The following EYS variants were observed in gnomAD, a reference collection of about 807,000 sequenced individuals.
EYS encodes the protein EGF-like photoreceptor maintenance factor.
Under a neutral mutation model 282.1 loss-of-function variants are expected in EYS, and 250 were observed. The ratio of observed to expected loss-of-function variants is 0.89; its 90% CI spans 0.80 to 0.98. EYS has a LOEUF of 0.98. Among genes scored for constraint, EYS ranks in the 50% least tolerant of loss-of-function variants. EYS has a pLI of 0.00. For synonymous variants in EYS, 1,355 were observed against 1,282.9 expected (o/e 1.06, Z -1.20); for missense variants, 4,016 against 3,709.0 (o/e 1.08, Z -2.15).
intron 2 of EYS, among the ~76,000 whole-genome samples, chr6:65,627,974 C>A (rs1293349642): frequency 6.6e-6 from 1 of 152,226 alleles, no homozygotes; most frequent in African/African-American, 2.4e-5. Context: ...AGCCCCGGTG[C>A]GGGATCCACT....
At chr6:63,809,071 A>G (rs1179892660) in intron 36 of EYS, among the ~76,000 whole-genome samples, 3 of 152,136 alleles carry the variant, frequency 2.0e-5, no homozygotes, top group Admixed American at 1.3e-4. Flanking sequence ...GACTTACTTC[A>G]AGGGGCTTTT....
At chr6:64,971,526 GA>G (rs928617576) in intron 14 of EYS, among the ~76,000 whole-genome samples, 26 of 152,216 alleles carry the variant, frequency 1.7e-4, no homozygotes, top group Non-Finnish European at 3.1e-4. Context: ...TGGACAATGA[GA>G]AACCTTTTTC....
At chr6:64,296,573 TATATATATATACA>T (rs1769012758) in intron 30 of EYS, among the ~76,000 whole-genome samples, 1 of 7,926 alleles carries the variant, frequency 1.3e-4, no homozygotes, top group African/African-American at 4.6e-4. Context: ...TATATATATA[TATATATATATACA>T]TATATATATA....
chr6:65,564,668 A>G (rs570394867), intron 2 of EYS, among the ~76,000 whole-genome samples: 1 of 152,266 alleles, frequency 6.6e-6, no homozygotes, highest in Non-Finnish European at 1.5e-5. Context: ...AACCATAAAA[A>G]CCCTAGAAGA....
intron 33 of EYS, among the ~76,000 whole-genome samples, chr6:64,011,090 T>C (rs1350117215): frequency 1.3e-5 from 2 of 152,168 alleles, no homozygotes; most frequent in Admixed American, 1.3e-4. Context: ...GGAGATAAGC[T>C]TTTCTATTTC....
intron 2 of EYS, among the ~76,000 whole-genome samples, chr6:65,523,854 C>A (rs182202907): frequency 6.6e-6 from 1 of 152,084 alleles, no homozygotes; most frequent in South Asian, 2.1e-4. Flanking sequence ...CTTTTCCTTA[C>A]AGCCAACGTG....
At chr6:65,548,137 AC>A (rs1473529711) in intron 2 of EYS, among the ~76,000 whole-genome samples, 3 of 152,216 alleles carry the variant, frequency 2.0e-5, no homozygotes, top group East Asian at 3.8e-4. Context: ...TCTGCTACTA[AC>A]AAACTACAAA....
chr6:65,326,986 C>G (rs956898727), intron 11 of EYS, among the ~76,000 whole-genome samples: 1 of 151,298 alleles, frequency 6.6e-6, no homozygotes, highest in Non-Finnish European at 1.5e-5. Context: ...ATCTATAAAC[C>G]ACAATAATTG....
At chr6:64,131,767 C>T (rs996895347) in intron 31 of EYS, among the ~76,000 whole-genome samples, 1 of 152,160 alleles carries the variant, frequency 6.6e-6, no homozygotes, top group Non-Finnish European at 1.5e-5. Flanking sequence ...ATTCGATTTT[C>T]AGCCGGGAGA....
At position 63,720,801 on chromosome 6, in the gene EYS, A is replaced by G. The variant is rs1421690807; in HGVS notation, c.9230T>C (p.Val3077Ala). The G allele has an allele frequency of 1.3e-6, 2 of 1,551,154 alleles. No individual in the cohort carries two copies. Among genetic ancestry groups the G allele is most frequent in the Admixed American group, 3.9e-5 (2 of 50,968 alleles). Residue 3077 changes from valine to alanine, a missense_variant, in exon 43 of 43, where the codon GTG becomes GCG. By Grantham distance (64) the Val-to-Ala change is moderately conservative (BLOSUM62 0). Transcript: ENST00000503581. ...SEDIDPHKNF[V>A]ALNYDGICYL... is the part of the protein sequence containing the mutation. ...ACAAATGCCATCATAGTTTAGAGCC[A>G]CAAAGTTTTTATGTGGATCAATATC...
At chr6:64,235,724 A>T (rs879927486) in intron 30 of EYS, among the ~76,000 whole-genome samples, 28 of 152,220 alleles carry the variant, frequency 1.8e-4, no homozygotes, top group East Asian at 3.9e-4. Context: ...AAAGTGTTCC[A>T]ATTTCTCCAT....
At chr6:65,662,065 T>C (rs1305466809) in intron 1 of EYS, among the ~76,000 whole-genome samples, 2 of 152,108 alleles carry the variant, frequency 1.3e-5, no homozygotes, top group Admixed American at 1.3e-4. Context: ...TTACTTTTTT[T>C]CTGGTCACAC....
intron 23 of EYS, among the ~76,000 whole-genome samples, chr6:64,625,070 A>G (rs987485213): frequency 2.6e-5 from 4 of 152,128 alleles, no homozygotes; most frequent in African/African-American, 7.2e-5. Flanking sequence ...AATATCCCCT[A>G]CATATATTCC....
At chr6:63,880,071 C>T (rs1234015624) in intron 35 of EYS, among the ~76,000 whole-genome samples, 1 of 152,096 alleles carries the variant, frequency 6.6e-6, no homozygotes, top group African/African-American at 2.4e-5. Context: ...ATATTTAGGG[C>T]ATGAGCATGG....
At chr6:64,929,254 G>A (rs1219787275) in intron 15 of EYS, among the ~76,000 whole-genome samples, 2 of 152,056 alleles carry the variant, frequency 1.3e-5, no homozygotes, top group East Asian at 1.9e-4. Context: ...GAAGCCAAGG[G>A]ATGCCAAAGA....
intron 12 of EYS, among the ~76,000 whole-genome samples, chr6:65,157,407 A>C (rs1764753669): frequency 6.6e-6 from 1 of 150,748 alleles, no homozygotes; most frequent in Non-Finnish European, 1.5e-5. Context: ...CTATTTCTAT[A>C]CTTACCTACC....
intron 8 of EYS, among the ~76,000 whole-genome samples, chr6:65,354,999 G>A (rs547750161): frequency 1.3e-5 from 2 of 152,060 alleles, no homozygotes; most frequent in East Asian, 3.9e-4. Flanking sequence ...TCTACAAATG[G>A]CATTAACCAA....
intron 22 of EYS, among the ~76,000 whole-genome samples, chr6:64,727,037 G>T: frequency 6.6e-6 from 1 of 152,104 alleles, no homozygotes; most frequent in East Asian, 1.9e-4. Flanking sequence ...GTGATGGGTG[G>T]CATACTGATG....
At chr6:63,998,107 G>T (rs536306620) in intron 34 of EYS, among the ~76,000 whole-genome samples, 1 of 152,220 alleles carries the variant, frequency 6.6e-6, no homozygotes, top group Admixed American at 6.5e-5. Context: ...TCAGTACAGT[G>T]CATTATAAAG....
Sources: allele counts gnomAD v4.1 joint callset (sites outside exome capture counted in the v4.1 genomes callset), GRCh38; gene constraint gnomAD v4.1.1; transcripts MANE v1.5; gene names NCBI Gene and HGNC (gene_info 2026-07-23, HGNC 2026-07-21).